AGBL4: variants seen among roughly 807,000 people sequenced by gnomAD.
The protein encoded by AGBL4 is AGBL carboxypeptidase 4.
Under a neutral mutation model 66.4 loss-of-function variants are expected in AGBL4, and 58 were observed. The observed-to-expected ratio is 0.87, with a 90% CI of 0.71 to 1.09. The LOEUF (loss-of-function observed/expected upper bound fraction) is 1.09, where lower values mean the gene tolerates loss of function less well. Ranked by LOEUF, AGBL4 falls within the 50% of genes least tolerant of loss-of-function variation. AGBL4 has a pLI of 0.00. For synonymous variants in AGBL4, 234 were observed against 222.9 expected (o/e 1.05, Z -0.44); for missense variants, 579 against 631.0 (o/e 0.92, Z 0.88).
At chr1:49,143,558 T>G (rs1310459513) in intron 4 of AGBL4, among the ~76,000 whole-genome samples, 2 of 152,226 alleles carry the variant, frequency 1.3e-5, no homozygotes, top group African/African-American at 4.8e-5. Flanking sequence ...GCCATGCTTT[T>G]AACATTCTTC....
At chr1:48,682,960 A>G (rs376843090) in intron 6 of AGBL4, among the ~76,000 whole-genome samples, 1 of 152,330 alleles carries the variant, frequency 6.6e-6, no homozygotes, top group South Asian at 2.1e-4. Flanking sequence ...GAGAGAAACC[A>G]TGGCATCCAG....
chr1:49,360,749 A>G (rs1644119184), intron 3 of AGBL4, among the ~76,000 whole-genome samples: 1 of 152,202 alleles, frequency 6.6e-6, no homozygotes, highest in Non-Finnish European at 1.5e-5. Flanking sequence ...TTTAAAAAGG[A>G]AGAAATACAT....
At chr1:49,641,486 C>A (rs1222320626) in intron 3 of AGBL4, among the ~76,000 whole-genome samples, 1 of 152,062 alleles carries the variant, frequency 6.6e-6, no homozygotes, top group African/African-American at 2.4e-5. Context: ...TTTCGTTCCA[C>A]AATGTTTCCC....
chr1:49,096,004 C>A (rs1251926453), intron 4 of AGBL4, among the ~76,000 whole-genome samples: 1 of 151,852 alleles, frequency 6.6e-6, no homozygotes, highest in Non-Finnish European at 1.5e-5. Context: ...AAAAAACAAA[C>A]AACCCCATCA....
chr1:48,648,412 G>A (rs1214509625), intron 8 of AGBL4, among the ~76,000 whole-genome samples: 2 of 152,084 alleles, frequency 1.3e-5, no homozygotes, highest in Non-Finnish European at 2.9e-5. Flanking sequence ...TCTCCCCCGC[G>A]CTTCTACTAA....
At chr1:50,016,557 G>A (rs1661999760) in intron 1 of AGBL4, among the ~76,000 whole-genome samples, 1 of 152,104 alleles carries the variant, frequency 6.6e-6, no homozygotes, top group South Asian at 2.1e-4. Context: ...GTGTGACTTT[G>A]TCTCAAAAAA....
intron 1 of AGBL4, among the ~76,000 whole-genome samples, chr1:49,901,595 G>C (rs1486431792): frequency 1.3e-5 from 2 of 152,150 alleles, no homozygotes; most frequent in Non-Finnish European, 2.9e-5. Flanking sequence ...AATCAATATG[G>C]TTAAAATGAC....
At chr1:48,969,985 T>C (rs1187582211) in intron 5 of AGBL4, among the ~76,000 whole-genome samples, 1 of 152,196 alleles carries the variant, frequency 6.6e-6, no homozygotes, top group African/African-American at 2.4e-5. Flanking sequence ...TTGAGGATTC[T>C]TATTATCCCA....
chr1:49,109,054 T>G (rs1018885127), intron 4 of AGBL4, among the ~76,000 whole-genome samples: 2 of 152,182 alleles, frequency 1.3e-5, no homozygotes, highest in African/African-American at 4.8e-5. Flanking sequence ...TTATAACTTT[T>G]AAGCACAACC....
intron 6 of AGBL4, among the ~76,000 whole-genome samples, chr1:48,779,116 T>C (rs1040838340): frequency 1.3e-5 from 2 of 152,234 alleles, no homozygotes; most frequent in Non-Finnish European, 2.9e-5. Context: ...GCAAGACTTC[T>C]GATAATTCAC....
chr1:49,895,214 CTG>C (rs1283189036), intron 1 of AGBL4, among the ~76,000 whole-genome samples: 1 of 146,118 alleles, frequency 6.8e-6, no homozygotes, highest in African/African-American at 2.5e-5. Context: ...AAAAAAAAAA[CTG>C]AGAGATTTCA....
chr1:49,909,543 A>G (rs1183807368), intron 1 of AGBL4, among the ~76,000 whole-genome samples: 2 of 152,320 alleles, frequency 1.3e-5, no homozygotes, highest in East Asian at 3.9e-4. Context: ...GGACACCAGT[A>G]TGGTCTGAAC....
intron 3 of AGBL4, among the ~76,000 whole-genome samples, chr1:49,435,096 C>A (rs539930179): frequency 3.7e-4 from 56 of 152,200 alleles, no homozygotes; most frequent in Admixed American, 2.4e-3. Flanking sequence ...TACATCTTAC[C>A]GAACCTTATA....
chr1:48,689,142 A>G lies in AGBL4; in HGVS notation c.635-25901T>C, dbSNP rs1442815209. Among the ~76,000 whole-genome samples, 61 of 148,442 alleles carry G rather than the reference A, an allele frequency of 4.1e-4. 1 individual carries two copies. Among genetic ancestry groups the G allele is most frequent in the African/African-American group, 1.5e-3 (60 of 39,552 alleles). On this transcript the variant is annotated intron_variant, in intron 6 of 13. Transcript: ENST00000371839. ...AGGCTGAGGCAGGAGAACTGCTTAAACCCAAGAGATGGAGGTTGTGCCACT... is the reference window on the plus strand; with the variant it reads ...AGGCTGAGGCAGGAGAACTGCTTAAGCCCAAGAGATGGAGGTTGTGCCACT...
chr1:48,698,894 C>T (rs1646756996), intron 6 of AGBL4, among the ~76,000 whole-genome samples: 1 of 152,210 alleles, frequency 6.6e-6, no homozygotes, highest in African/African-American at 2.4e-5. Context: ...AGTGTTTAAA[C>T]CTAGGTCCAG....
At chr1:49,769,138 C>T (rs1254659451) in intron 2 of AGBL4, among the ~76,000 whole-genome samples, 3 of 152,052 alleles carry the variant, frequency 2.0e-5, no homozygotes, top group Admixed American at 6.6e-5. Context: ...TGAGCCACCA[C>T]ACCCAGCCAA....
At chr1:49,571,143 A>C (rs1464777427) in intron 3 of AGBL4, among the ~76,000 whole-genome samples, 2 of 151,372 alleles carry the variant, frequency 1.3e-5, no homozygotes, top group African/African-American at 4.9e-5. Context: ...TTGTATTATG[A>C]GAAAGATTGT....
chr1:49,983,310 T>C (rs749387999), intron 1 of AGBL4, among the ~76,000 whole-genome samples: 3 of 152,224 alleles, frequency 2.0e-5, no homozygotes, highest in Non-Finnish European at 4.4e-5. Context: ...CACCAATGCA[T>C]TCTCCAGTGC....
chr1:49,485,329 T>C (rs1346862356), intron 3 of AGBL4, among the ~76,000 whole-genome samples: 8 of 151,458 alleles, frequency 5.3e-5, no homozygotes, highest in African/African-American at 1.9e-4. Context: ...AAGCTGGAAA[T>C]CATCATTCTC....
Sources: allele counts gnomAD v4.1 joint callset (sites outside exome capture counted in the v4.1 genomes callset), GRCh38; gene constraint gnomAD v4.1.1; transcripts MANE v1.5; gene names NCBI Gene and HGNC (gene_info 2026-07-23, HGNC 2026-07-21).